Variants in GRIA4 observed in about 807,000 individuals in gnomAD.
The protein encoded by GRIA4 is glutamate receptor 4.
In GRIA4, 34 loss-of-function variants were observed where a neutral mutation model predicts 104.0. That is an observed-to-expected ratio of 0.33 (90% CI 0.25 to 0.44). The LOEUF is 0.44. Among genes scored for constraint, GRIA4 ranks in the 20% least tolerant of loss-of-function variants. The probability of loss-of-function intolerance (pLI) is 1.00; values close to 1 mark genes in which losing one functional copy is unlikely to be tolerated. For missense variants in GRIA4, 750 were observed against 1,096.5 expected (o/e 0.68, Z 4.46); for synonymous variants, 386 against 381.9 (o/e 1.01, Z -0.13).
intron 15 of GRIA4, among the ~76,000 whole-genome samples, chr11:105,973,709 G>T (rs1858820145): frequency 6.6e-6 from 1 of 151,992 alleles, no homozygotes. Flanking sequence ...CATTTTCCAT[G>T]AGATTTCCCT....
At chr11:105,665,000 T>C (rs1346299742) in intron 3 of GRIA4, among the ~76,000 whole-genome samples, 1 of 151,994 alleles carries the variant, frequency 6.6e-6, no homozygotes, top group South Asian at 2.1e-4. Flanking sequence ...GTGAGAAAAT[T>C]TGGCAATATT....
intron 4 of GRIA4, among the ~76,000 whole-genome samples, chr11:105,763,221 C>G (rs1940752423): frequency 6.6e-6 from 1 of 152,052 alleles, no homozygotes; most frequent in Admixed American, 6.6e-5. Context: ...GCAAGTGGCA[C>G]AAACCAAAGC....
At chr11:105,849,454 T>A (rs1438964561) in intron 4 of GRIA4, among the ~76,000 whole-genome samples, 1 of 152,122 alleles carries the variant, frequency 6.6e-6, no homozygotes, top group Admixed American at 6.6e-5. Flanking sequence ...TAATAATAAA[T>A]CTACAGATCT....
chr11:105,631,733 T>C (rs1951040464), intron 3 of GRIA4, among the ~76,000 whole-genome samples: 1 of 152,162 alleles, frequency 6.6e-6, no homozygotes, highest in Non-Finnish European at 1.5e-5. Context: ...ACAAAGCTTA[T>C]TATATGCTGG....
chr11:105,972,560 A>C (rs1447790877), intron 15 of GRIA4, among the ~76,000 whole-genome samples: 3 of 152,178 alleles, frequency 2.0e-5, no homozygotes, highest in Non-Finnish European at 4.4e-5. Flanking sequence ...TGAACCTTTC[A>C]ATTCTACTTG....
chr11:105,659,374 T>TA (rs971391298), intron 3 of GRIA4, among the ~76,000 whole-genome samples: 1 of 151,998 alleles, frequency 6.6e-6, no homozygotes, highest in Non-Finnish European at 1.5e-5. Context: ...CTCACTGTTG[T>TA]AAAGTGTCTC....
chr11:105,710,273 A>T (rs1048666597), intron 3 of GRIA4, among the ~76,000 whole-genome samples: 8 of 152,068 alleles, frequency 5.3e-5, no homozygotes, highest in African/African-American at 1.9e-4. Flanking sequence ...TCTCTGTAGT[A>T]AAAAGAAACA....
Position 105,982,031 on chromosome 11 carries a change from C to G in GRIA4, c.*2292C>G, listed in dbSNP as rs1859270961. On this transcript the variant is annotated 3_prime_UTR_variant, in exon 17 of 17. Transcript: ENST00000282499. ...GTCTATCTTGTTCACAGTTGTATCC[C>G]CAGCACCCAGCACAGTGCCTGGCAT... The G allele has an allele frequency of 1.3e-5, 2 of 152,554 alleles. No homozygotes were observed. Among genetic ancestry groups the G allele is most frequent in the South Asian group, 4.1e-4 (2 of 4,826 alleles). The allele number at this position is 152,554 out of a possible 1,614,324, so 9.5% of individuals were successfully genotyped here. A position where few individuals can be genotyped will look rare whatever the true frequency, so the allele number is the denominator to read the frequency against.
intron 4 of GRIA4, among the ~76,000 whole-genome samples, chr11:105,861,167 C>T (rs1364042507): frequency 1.3e-5 from 2 of 152,058 alleles, no homozygotes; most frequent in African/African-American, 2.4e-5. Context: ...ATTTTATTCT[C>T]TCATGGCAGG....
At chr11:105,834,481 G>C (rs1479280138) in intron 4 of GRIA4, among the ~76,000 whole-genome samples, 1 of 151,896 alleles carries the variant, frequency 6.6e-6, no homozygotes, top group African/African-American at 2.4e-5. Context: ...AGTGTCACTT[G>C]GCAGCATGCT....
At chr11:105,903,590 T>C (rs967177041) in intron 7 of GRIA4, among the ~76,000 whole-genome samples, 3 of 152,180 alleles carry the variant, frequency 2.0e-5, no homozygotes, top group South Asian at 2.1e-4. Context: ...TTTTTCAGAA[T>C]GGTTTTTCTC....
intron 4 of GRIA4, among the ~76,000 whole-genome samples, chr11:105,782,082 G>T (rs1039351980): frequency 6.6e-6 from 1 of 152,132 alleles, no homozygotes; most frequent in East Asian, 1.9e-4. Context: ...CAGCTCAGGG[G>T]CGACACATTT....
At chr11:105,797,705 T>C (rs1372174163) in intron 4 of GRIA4, 1 of 391,404 alleles carries the variant, frequency 2.6e-6, no homozygotes, top group Non-Finnish European at 5.2e-6. Context: ...TCTTTGTGTC[T>C]TGTTCATTTC....
chr11:105,934,637 T>G (rs1045187888), intron 14 of GRIA4, among the ~76,000 whole-genome samples: 8 of 152,158 alleles, frequency 5.3e-5, no homozygotes, highest in Non-Finnish European at 1.2e-4. Context: ...TGCTTACAGA[T>G]AGACCCCTGA....
intron 3 of GRIA4, among the ~76,000 whole-genome samples, chr11:105,708,358 C>G (rs886473262): frequency 4.6e-5 from 7 of 152,048 alleles, no homozygotes; most frequent in Non-Finnish European, 1.0e-4. Flanking sequence ...AATGATACTT[C>G]TTTCAGTATA....
intron 3 of GRIA4, chr11:105,706,470 AT>A (rs1470831438): frequency 1.3e-5 from 2 of 152,848 alleles, no homozygotes; most frequent in Admixed American, 6.5e-5. Context: ...GAGCAGAGTG[AT>A]TACTGAATAG....
At chr11:105,940,811 G>A (rs754610846) in intron 14 of GRIA4, among the ~76,000 whole-genome samples, 3 of 135,092 alleles carry the variant, frequency 2.2e-5, no homozygotes, top group South Asian at 2.6e-4. Flanking sequence ...GCTACTTTAC[G>A]ATTCACATTT....
intron 7 of GRIA4, 87 bp from the exon 8 acceptor site, chr11:105,903,727 T>G: frequency 1.2e-6 from 1 of 850,982 alleles, no homozygotes; most frequent in South Asian, 1.5e-5. Context: ...TGGTGCTTTA[T>G]GTCATAAACT....
intron 3 of GRIA4, among the ~76,000 whole-genome samples, chr11:105,733,018 A>T (rs1479915890): frequency 6.6e-6 from 1 of 152,158 alleles, no homozygotes; most frequent in East Asian, 1.9e-4. Context: ...CAGCCTCTTT[A>T]TGTTGTATCT....
Sources: allele counts gnomAD v4.1 joint callset (sites outside exome capture counted in the v4.1 genomes callset), GRCh38; gene constraint gnomAD v4.1.1; transcripts MANE v1.5; gene names NCBI Gene and HGNC (gene_info 2026-07-23, HGNC 2026-07-21).